Variants in FAM186A observed in about 807,000 individuals in gnomAD.
The protein encoded by FAM186A is family with sequence similarity 186 member A, also known as protein FAM186A.
Under a neutral mutation model 216.8 loss-of-function variants are expected in FAM186A, and 163 were observed. The ratio of observed to expected loss-of-function variants is 0.75; its 90% CI spans 0.66 to 0.86. FAM186A has a LOEUF of 0.86. Among genes scored for constraint, FAM186A ranks in the 40% least tolerant of loss-of-function variants. FAM186A has a pLI of 0.00. For missense variants in FAM186A, 2,184 were observed against 2,746.2 expected, an observed-to-expected ratio of 0.80 and a Z score of 4.58; for synonymous variants, 805 against 1,025.3, an observed-to-expected ratio of 0.79 and a Z score of 4.10.
At position 50,351,845 on chromosome 12, in the gene FAM186A, G is replaced by C. The variant is rs1942885929; in HGVS notation, c.4987C>G (p.Leu1663Val). The change falls in exon 4 of 8, where the codon CTT (leucine) becomes GTT (valine). Residue 1663 changes from leucine to valine, a missense_variant. Transcript: ENST00000327337. The stretch of plus-strand genomic sequence containing the variant: ...AAAGCGTGGGTTTGCTCAGAGGTAA[G>C]AGTGACAGCTGACACCCAGGCATTT... ...PVNAWVSAVTLTSEQTHALES... is the reference protein window; with the variant it reads ...PVNAWVSAVTVTSEQTHALES... 1 of 1,544,796 alleles carries C rather than the reference G, an allele frequency of 6.5e-7. No individual in the cohort carries two copies. Among genetic ancestry groups the C allele is most frequent in the Non-Finnish European group, 8.7e-7 (1 of 1,143,398 alleles).
rs1473884128 is a variant in FAM186A at position 50,350,896 on chromosome 12, G to GCT, written c.5934_5935dup (p.Ala1979GlufsTer32). ...CTTCTTAGTGGTGAAAGGAACTTGA[G>GCT]CTACCTTGAAATCTGGAGCACTAGG... On this transcript the variant is annotated frameshift_variant, in exon 4 of 8. Coordinates refer to ENST00000327337, the MANE Select transcript of FAM186A (RefSeq NM_001145475.3). LOFTEE classifies it high-confidence loss of function. 1 of 1,551,662 alleles carries GCT rather than the reference G, an allele frequency of 6.4e-7. No individual in the cohort carries two copies. Among genetic ancestry groups the GCT allele is most frequent in the Non-Finnish European group, 8.7e-7 (1 of 1,146,982 alleles).
intron 1 of FAM186A, among the ~76,000 whole-genome samples, chr12:50,386,747 C>G (rs1039009557): frequency 2.0e-5 from 3 of 150,726 alleles, no homozygotes; most frequent in African/African-American, 7.3e-5. Context: ...GTAATCCCAG[C>G]TACTTGGGAG....
At chr12:50,367,532 A>G (rs989577081) in intron 1 of FAM186A, among the ~76,000 whole-genome samples, 4 of 151,224 alleles carry the variant, frequency 2.6e-5, no homozygotes, top group African/African-American at 4.9e-5. Context: ...AAAAAAAAAA[A>G]AAAGAAAAGA....
rs544889153 is a variant in FAM186A, at chr12:50,353,147, T to G, written c.3685A>C (p.Ile1229Leu). 77 of 1,492,260 alleles carry G rather than the reference T, an allele frequency of 5.2e-5. 1 individual carries two copies. In the African/African-American group the frequency reaches 1.1e-3, roughly 21 times the overall value. The allele number at this position is 1,492,260 out of a possible 1,614,324, so 92.4% of individuals were successfully genotyped here. A position where few individuals can be genotyped will look rare whatever the true frequency, so the allele number is the denominator to read the frequency against. ...TGGGCCTGCTGAAGGGTTAGAGTGATCCCCAGGGCCTGGGCCTGCTGAGGG... is the reference window on the plus strand; with the variant it reads ...TGGGCCTGCTGAAGGGTTAGAGTGAGCCCCAGGGCCTGGGCCTGCTGAGGG... ...LTPQQAQALG[I>L]TLTLQQAQQL... The change falls in exon 4 of 8, where the codon ATC (isoleucine) becomes CTC (leucine). Residue 1229 changes from isoleucine to leucine, a missense_variant. Transcript: ENST00000327337.
chr12:50,356,946 C>T (rs1942983235), intron 3 of FAM186A, among the ~76,000 whole-genome samples: 1 of 151,980 alleles, frequency 6.6e-6, no homozygotes, highest in South Asian at 2.1e-4. Context: ...TTGCAGTGAG[C>T]CGAGATTGCG....
chr12:50,378,098 G>A (rs2053774752), intron 1 of FAM186A, among the ~76,000 whole-genome samples: 1 of 149,460 alleles, frequency 6.7e-6, no homozygotes, highest in Admixed American at 6.6e-5. Context: ...GTGGCCACAT[G>A]CCTGTAATCC....
At chr12:50,374,482 G>C (rs953708253) in intron 1 of FAM186A, among the ~76,000 whole-genome samples, 1 of 152,148 alleles carries the variant, frequency 6.6e-6, no homozygotes, top group East Asian at 1.9e-4. Context: ...GGTATGCAAG[G>C]CTGATTCAAA....
At chr12:50,372,918 GAAAA>G (rs1333364127) in intron 1 of FAM186A, among the ~76,000 whole-genome samples, 1 of 88,178 alleles carries the variant, frequency 1.1e-5, no homozygotes, top group African/African-American at 4.2e-5. Context: ...AAAAAAAAAA[GAAAA>G]AAGAAAGAAA....
intron 3 of FAM186A, among the ~76,000 whole-genome samples, chr12:50,359,127 G>A (rs1423083167): frequency 6.6e-6 from 1 of 151,738 alleles, no homozygotes; most frequent in African/African-American, 2.4e-5. Context: ...AAGACAGACA[G>A]AGGCCGGGTG....
chr12:50,350,535 T>A lies in FAM186A; in HGVS notation c.6297A>T (p.Glu2099Asp). 1 of 1,551,658 alleles carries A rather than the reference T, an allele frequency of 6.4e-7. No individual in the cohort carries two copies. Among genetic ancestry groups the A allele is most frequent in the Non-Finnish European group, 8.7e-7 (1 of 1,146,976 alleles). ...KVMVPPSSPQELEEKRYFVDV... is the reference protein window; with the variant it reads ...KVMVPPSSPQDLEEKRYFVDV... ...CAACAAAATACCTCTTTTCTTCAAG[T>A]TCTTGAGGAGAGGAAGGGGGCACCA... The change falls in exon 4 of 8, where the codon GAA becomes GAT. Residue 2099 changes from glutamate to aspartate, a missense_variant. By Grantham distance (45) the Glu-to-Asp change is conservative. Coordinates refer to ENST00000327337, the MANE Select transcript of FAM186A (RefSeq NM_001145475.3).
chr12:50,357,919 A>G (rs1942994575), intron 3 of FAM186A, among the ~76,000 whole-genome samples: 1 of 151,674 alleles, frequency 6.6e-6, no homozygotes, highest in Non-Finnish European at 1.5e-5. Context: ...CAGACATTGC[A>G]GTGAGTCGAG....
intron 1 of FAM186A, among the ~76,000 whole-genome samples, chr12:50,389,466 C>T (rs1032700042): frequency 6.6e-5 from 10 of 152,120 alleles, no homozygotes; most frequent in Admixed American, 2.6e-4. Context: ...CGACATTGCA[C>T]GCCAGCTTGG....
Position 50,396,503 on chromosome 12 carries a change from T to A in FAM186A, c.-19A>T. ...AGAACATTTTGAAAATGTGGGTGAT[T>A]TCGTTTTATTTCTTCTTTTTCACAG... On this transcript the variant is annotated 5_prime_UTR_variant, in exon 1 of 8. Coordinates refer to ENST00000327337, the MANE Select transcript of FAM186A (RefSeq NM_001145475.3). 6.5e-7 allele frequency: 1 copy of A among 1,529,148 alleles called. No homozygotes were observed. The highest frequency in any genetic ancestry group is 8.8e-7 in the Non-Finnish European group (1 of 1,138,140). 94.7% of individuals were successfully genotyped at this position (1,529,148 alleles called of 1,614,324 possible).
chr12:50,351,517 AAGGGGCCTTGGTTG>A lies in FAM186A; in HGVS notation c.5301_5314del (p.Asn1768CysfsTer13). ...CATTTCTAGGGGCTTCCCAGGGGCA[AAGGGGCCTTGGTTG>A]AGGGGAACCCTTGATATCTGCAAAG... On this transcript the variant is annotated frameshift_variant, in exon 4 of 8. Transcript: ENST00000327337. LOFTEE classifies it high-confidence loss of function. 1 of 1,510,240 alleles carries A rather than the reference AAGGGGCCTTGGTTG, an allele frequency of 6.6e-7. No homozygotes were observed. The highest frequency in any genetic ancestry group is 8.8e-7 in the Non-Finnish European group (1 of 1,130,150). The allele number at this position is 1,510,240 out of a possible 1,614,324, so 93.6% of individuals were successfully genotyped here. A position where few individuals can be genotyped will look rare whatever the true frequency, so the allele number is the denominator to read the frequency against.
chr12:50,350,926 A>C lies in FAM186A; in HGVS notation c.5906T>G (p.Ile1969Ser). Residue 1969 changes from isoleucine to serine, a missense_variant, in exon 4 of 8, where the codon ATC becomes AGC. Physicochemically the swap from Ile to Ser is moderately radical, Grantham distance 142. Transcript: ENST00000327337. The stretch of plus-strand genomic sequence containing the variant: ...CTTGAAATCTGGAGCACTAGGATGG[A>C]TCAATACTGATTTAGATTTCAGAGA... ...ISSLKSKSVL[I>S]HPSAPDFKVA... 6.4e-7 allele frequency: 1 copy of C among 1,551,474 alleles called. No individual in the cohort carries two copies. Among genetic ancestry groups the C allele is most frequent in the East Asian group, 2.4e-5 (1 of 40,928 alleles).
At chr12:50,369,273 G>A (rs973000922) in intron 1 of FAM186A, among the ~76,000 whole-genome samples, 9 of 151,602 alleles carry the variant, frequency 5.9e-5, no homozygotes, top group African/African-American at 1.5e-4. Context: ...GGCGGATCAC[G>A]AGGTCAGGAG....
intron 4 of FAM186A, among the ~76,000 whole-genome samples, chr12:50,347,780 T>C (rs973536044): frequency 1.3e-5 from 2 of 152,180 alleles, no homozygotes; most frequent in Non-Finnish European, 2.9e-5. Context: ...TTTCTGATAT[T>C]TGCAACTTTT....
chr12:50,394,823 C>T (rs1373733715), intron 1 of FAM186A, among the ~76,000 whole-genome samples: 7 of 139,562 alleles, frequency 5.0e-5, no homozygotes, highest in African/African-American at 1.9e-4. Context: ...CTCACTGTAA[C>T]CTCAAATTCC....
Position 50,351,523 on chromosome 12 carries a change from C to A in FAM186A, c.5309G>T (p.Gly1770Val), listed in dbSNP as rs141752539. The A allele has an allele frequency of 1.4e-4, 208 of 1,516,498 alleles. 1 individual carries two copies. Among genetic ancestry groups the A allele is most frequent in the Middle Eastern group, 8.6e-4 (5 of 5,784 alleles). The allele number at this position is 1,516,498 out of a possible 1,614,324, so 93.9% of individuals were successfully genotyped here. Residue 1770 changes from glycine to valine, a missense_variant, in exon 4 of 8, where the codon GGC (glycine) becomes GTC (valine). Gly to Val is a moderately radical substitution (Grantham distance 109). Coordinates refer to ENST00000327337, the MANE Select transcript of FAM186A (RefSeq NM_001145475.3). ...TAGGGGCTTCCCAGGGGCAAAGGGG[C>A]CTTGGTTGAGGGGAACCCTTGATAT... ...LQISRVPLNQGPFAPGKPLEM... is the reference protein window; with the variant it reads ...LQISRVPLNQVPFAPGKPLEM...
Sources: gnomAD v4.1 joint callset for allele counts (sites outside exome capture counted in the v4.1 genomes callset) on GRCh38, gnomAD v4.1.1 for gene constraint, MANE v1.5 for transcripts, NCBI Gene and HGNC (gene_info 2026-07-23, HGNC 2026-07-21) for gene names.